Variants in BRINP1 observed in about 807,000 individuals in gnomAD.
BRINP1 encodes the protein BMP/retinoic acid inducible neural specific 1, also known as BMP/retinoic acid-inducible neural-specific protein 1.
Under a neutral mutation model 72.9 loss-of-function variants are expected in BRINP1, and 17 were observed. That is an observed-to-expected ratio of 0.23 (90% confidence interval 0.16 to 0.35). BRINP1 has a LOEUF of 0.35. Among genes scored for constraint, BRINP1 ranks in the 10% least tolerant of loss-of-function variants. The pLI is 1.00. For synonymous variants in BRINP1, 418 were observed against 378.5 expected (o/e 1.10, Z -1.21); for missense variants, 850 against 1,001.6 (o/e 0.85, Z 2.04).
intron 2 of BRINP1, among the ~76,000 whole-genome samples, chr9:119,269,945 G>T (rs1007506755): frequency 1.3e-5 from 2 of 152,084 alleles, no homozygotes; most frequent in Non-Finnish European, 2.9e-5. Flanking sequence ...AAATTAAAAA[G>T]TGTTACGTAT....
At position 119,242,175 on chromosome 9, in the gene BRINP1, C is replaced by T. The variant is rs763882375; in HGVS notation, c.451G>A (p.Asp151Asn). The change falls in exon 4 of 8, where the codon GAC becomes AAC. Residue 151 changes from aspartate (D) to asparagine (N), a missense_variant. Transcript: ENST00000265922. Reference protein sequence around the residue: ...LTMYMDKSRLDRKSGNATQSV... With the variant: ...LTMYMDKSRLNRKSGNATQSV... ...TGAGTGGCATTCCCTGACTTCCTGTCGAGGCGACTTTTGTCCATATACATG... is the reference window on the plus strand; with the variant it reads ...TGAGTGGCATTCCCTGACTTCCTGTTGAGGCGACTTTTGTCCATATACATG... 28 of 1,613,972 alleles carry T rather than the reference C, an allele frequency of 1.7e-5. No homozygotes were observed. Among genetic ancestry groups the T allele is most frequent in the South Asian group, 3.3e-5 (3 of 91,082 alleles).
Position 119,181,484 on chromosome 9 carries a change from G to A in BRINP1, c.1146-13260C>T, listed in dbSNP as rs531286544. Among the ~76,000 whole-genome samples the A allele has an allele frequency of 2.0e-5, 3 of 152,282 alleles. No individual in the cohort carries two copies. The East Asian group carries it at 5.8e-4, about 29-fold the overall frequency. ...CCTTCAGTATTCTTATCTGTCAAAT[G>A]GGGAAGGTAACATCTACTTTTCACT... On this transcript the variant is annotated intron_variant, in intron 7 of 7. Transcript: ENST00000265922.
intron 2 of BRINP1, among the ~76,000 whole-genome samples, chr9:119,269,831 C>T (rs553186809): frequency 6.8e-6 from 1 of 145,996 alleles, no homozygotes; most frequent in African/African-American, 2.5e-5. Context: ...AGGAACTAGA[C>T]ACTATTCTAA....
At chr9:119,203,287 T>C (rs1829822787) in intron 7 of BRINP1, among the ~76,000 whole-genome samples, 1 of 152,182 alleles carries the variant, frequency 6.6e-6, no homozygotes. Flanking sequence ...CCATGTGACC[T>C]TGGATAAATT....
chr9:119,363,867 G>GCAATCATACA (rs2119046141), intron 1 of BRINP1, among the ~76,000 whole-genome samples: 1 of 152,326 alleles, frequency 6.6e-6, no homozygotes, highest in Admixed American at 6.5e-5. Flanking sequence ...TACATGGTTA[G>GCAATCATACA]TGGCTACCAT....
chr9:119,253,734 A>G (rs1309987918), intron 2 of BRINP1, among the ~76,000 whole-genome samples: 1 of 152,158 alleles, frequency 6.6e-6, no homozygotes, highest in African/African-American at 2.4e-5. Flanking sequence ...GGTGAAAGAG[A>G]GGGGATAGGA....
intron 2 of BRINP1, among the ~76,000 whole-genome samples, chr9:119,296,220 A>G (rs1184573922): frequency 6.6e-6 from 1 of 152,216 alleles, no homozygotes; most frequent in Non-Finnish European, 1.5e-5. Context: ...CGATGTAAAA[A>G]TGGGCTAAGG....
intron 2 of BRINP1, among the ~76,000 whole-genome samples, chr9:119,287,278 T>C (rs951380344): frequency 3.3e-5 from 5 of 152,234 alleles, no homozygotes; most frequent in African/African-American, 1.2e-4. Flanking sequence ...CATTGCAAGA[T>C]GAAATTTCCT....
At position 119,299,332 on chromosome 9, in the gene BRINP1, G is replaced by T. The variant is rs559248693; in HGVS notation, c.218+13806C>A. ...TTCCACATATAAGTGAGTACAAGTG[G>T]GCCGGGCGCGGTGGCTCATGCCTGT... On this transcript the variant is annotated intron_variant, in intron 2 of 7. Coordinates refer to ENST00000265922, the MANE Select transcript of BRINP1 (RefSeq NM_014618.3). Among the ~76,000 whole-genome samples, 4 of 152,188 alleles carry T rather than the reference G, an allele frequency of 2.6e-5. No individual in the cohort carries two copies. In the South Asian group the frequency reaches 8.3e-4, roughly 32 times the overall value.
chr9:119,211,359 G>T (rs1028626585), intron 6 of BRINP1, among the ~76,000 whole-genome samples: 1 of 152,052 alleles, frequency 6.6e-6, no homozygotes, highest in Non-Finnish European at 1.5e-5. Context: ...CGCCACACCC[G>T]GCTAATTTTG....
chr9:119,219,918 C>T (rs915105193), intron 5 of BRINP1, among the ~76,000 whole-genome samples: 7 of 152,042 alleles, frequency 4.6e-5, no homozygotes, highest in Non-Finnish European at 8.8e-5. Context: ...GTCTAGACAG[C>T]GGGAAGAGCA....
chr9:119,201,268 CTAAT>C (rs1465441675), intron 7 of BRINP1, among the ~76,000 whole-genome samples: 1 of 152,138 alleles, frequency 6.6e-6, no homozygotes, highest in Non-Finnish European at 1.5e-5. Flanking sequence ...TTAAAATTGA[CTAAT>C]TAGCATCATC....
chr9:119,200,246 A>G (rs1171323508), intron 7 of BRINP1, among the ~76,000 whole-genome samples: 1 of 152,182 alleles, frequency 6.6e-6, no homozygotes, highest in Non-Finnish European at 1.5e-5. Flanking sequence ...TATAAGAACA[A>G]AGTTATGAAG....
At chr9:119,324,783 G>GT (rs1194245317) in intron 1 of BRINP1, among the ~76,000 whole-genome samples, 1 of 152,080 alleles carries the variant, frequency 6.6e-6, no homozygotes, top group Non-Finnish European at 1.5e-5. Flanking sequence ...TGCTACATGT[G>GT]TATCTTACAA....
intron 7 of BRINP1, among the ~76,000 whole-genome samples, chr9:119,187,082 A>G (rs1415082378): frequency 2.0e-5 from 3 of 151,888 alleles, no homozygotes; most frequent in Non-Finnish European, 1.5e-5. Flanking sequence ...CATCGCTGCC[A>G]TCTGGGCCTG....
intron 2 of BRINP1, among the ~76,000 whole-genome samples, chr9:119,251,732 A>T (rs1830390712): frequency 6.6e-6 from 1 of 152,122 alleles, no homozygotes; most frequent in Non-Finnish European, 1.5e-5. Flanking sequence ...AGGCAACAAG[A>T]TGGAACAAGT....
chr9:119,345,333 G>A (rs967075006), intron 1 of BRINP1, among the ~76,000 whole-genome samples: 1 of 151,646 alleles, frequency 6.6e-6, no homozygotes, highest in African/African-American at 2.4e-5. Context: ...AATTTCTTGG[G>A]AGAAAAAAAA....
intron 2 of BRINP1, among the ~76,000 whole-genome samples, chr9:119,251,658 G>A (rs1336358244): frequency 1.2e-5 from 1 of 82,270 alleles, no homozygotes; most frequent in Non-Finnish European, 3.0e-5. Flanking sequence ...CAGTGAGCAG[G>A]GATACAGAAA....
At chr9:119,270,110 A>G (rs1251088598) in intron 2 of BRINP1, among the ~76,000 whole-genome samples, 1 of 151,914 alleles carries the variant, frequency 6.6e-6, no homozygotes, top group African/African-American at 2.4e-5. Flanking sequence ...CTAGGTTGGC[A>G]CTTGGTGAAA....
Sources: allele counts gnomAD v4.1 joint callset (sites outside exome capture counted in the v4.1 genomes callset), GRCh38; gene constraint gnomAD v4.1.1; transcripts MANE v1.5; gene names NCBI Gene and HGNC (gene_info 2026-07-23, HGNC 2026-07-21).